HERC2: variants seen among roughly 807,000 people sequenced by gnomAD.
HERC2 encodes the protein E3 ubiquitin-protein ligase HERC2.
A neutral mutation model predicts 537.7 loss-of-function variants in HERC2; 102 were observed. The ratio of observed to expected loss-of-function variants is 0.19; its 90% confidence interval spans 0.16 to 0.22. HERC2 has a LOEUF of 0.22. HERC2 is among the 10% of genes least tolerant of loss of function. The pLI, the probability that HERC2 is intolerant of heterozygous loss-of-function variation, is 1.00. For missense variants in HERC2, 4,236 were observed against 6,198.2 expected (o/e 0.68, Z 10.63); for synonymous variants, 2,224 against 2,466.2 (o/e 0.90, Z 2.91).
At chr15:28,153,870 C>A (rs1388177514) in intron 69 of HERC2, among the ~76,000 whole-genome samples, 2 of 152,026 alleles carry the variant, frequency 1.3e-5, no homozygotes, top group Non-Finnish European at 2.9e-5. Context: ...GGCAACGGAG[C>A]CCGGTGGGAG....
At chr15:28,159,373 C>A (rs1450456948) in intron 69 of HERC2, among the ~76,000 whole-genome samples, 1 of 152,188 alleles carries the variant, frequency 6.6e-6, no homozygotes, top group Non-Finnish European at 1.5e-5. Context: ...TTCAGGTGCA[C>A]CAATCAGTCA....
chr15:28,163,511 T>C (rs1004509473), intron 68 of HERC2, among the ~76,000 whole-genome samples: 2 of 152,144 alleles, frequency 1.3e-5, no homozygotes, highest in Admixed American at 6.5e-5. Context: ...ACCAATGGCA[T>C]TTATCAAAAA....
rs147494330 is a variant in HERC2 at position 28,286,738 on chromosome 15, A to T, written c.322+6150T>A. On this transcript the variant is annotated intron_variant, in intron 4 of 92. Coordinates refer to ENST00000261609, the MANE Select transcript of HERC2 (RefSeq NM_004667.6). ...TTAAGAATGATTTAGATAGTTACTA[A>T]GAGTTTACTCCCCTAAAAGATTACA... is the stretch of plus-strand genomic sequence containing the variant. Among the ~76,000 whole-genome samples, 543 of 152,358 alleles carry T rather than the reference A, an allele frequency of 3.6e-3. 6 individuals carry two copies. The highest frequency in any genetic ancestry group is 0.012 in the African/African-American group (517 of 41,582).
chr15:28,132,107 G>A lies in HERC2; in HGVS notation c.12563C>T (p.Pro4188Leu). ...GRGGSDGCKV[P>L]MKIDSLTGLG... The stretch of plus-strand genomic sequence containing the variant: ...GGAAAGAATGGGAAATACCTTCATA[G>A]GCACTTTACAGCCATCGCTGCCTCC... The change falls in exon 81 of 93, where the codon CCT (proline) becomes CTT (leucine). Residue 4188 changes from proline (P) to leucine (L), a missense_variant. By Grantham distance (98) the Pro-to-Leu change is moderately conservative. Transcript: ENST00000261609. 1 of 1,605,468 alleles carries A rather than the reference G, an allele frequency of 6.2e-7. No homozygotes were observed. Among genetic ancestry groups the A allele is most frequent in the Non-Finnish European group, 8.5e-7 (1 of 1,174,118 alleles).
chr15:28,173,060 G>A (rs747762972), intron 65 of HERC2, among the ~76,000 whole-genome samples: 17 of 152,170 alleles, frequency 1.1e-4, no homozygotes, highest in Non-Finnish European at 1.6e-4. Flanking sequence ...ACCACCATAC[G>A]TCTATCAGTA....
At chr15:28,231,488 A>G (rs1567046475) in intron 30 of HERC2, among the ~76,000 whole-genome samples, 1 of 152,190 alleles carries the variant, frequency 6.6e-6, no homozygotes, top group Non-Finnish European at 1.5e-5. Flanking sequence ...CTGCCTGCGT[A>G]TGTGACTGGC....
intron 69 of HERC2, among the ~76,000 whole-genome samples, chr15:28,154,550 C>A (rs1323720543): frequency 6.6e-6 from 1 of 152,184 alleles, no homozygotes; most frequent in Non-Finnish European, 1.5e-5. Flanking sequence ...GAAGGTTGCT[C>A]TGCCAAGCAC....
chr15:28,318,759 GAT>G (rs2077157165), intron 2 of HERC2, among the ~76,000 whole-genome samples: 1 of 151,976 alleles, frequency 6.6e-6, no homozygotes. Context: ...TAATGTCTAT[GAT>G]AAAGAAGTCA....
intron 2 of HERC2, among the ~76,000 whole-genome samples, chr15:28,310,254 T>G (rs1296511547): frequency 1.3e-5 from 2 of 152,108 alleles, no homozygotes; most frequent in African/African-American, 4.8e-5. Flanking sequence ...AAGACCAGCC[T>G]GAACAACATG....
chr15:28,264,191 G>A (rs868600291), intron 14 of HERC2, among the ~76,000 whole-genome samples: 5 of 152,170 alleles, frequency 3.3e-5, no homozygotes, highest in Non-Finnish European at 7.3e-5. Context: ...TCAACGATCA[G>A]ATGGTAAATA....
At position 28,274,986 on chromosome 15, in the gene HERC2, C is replaced by T. The variant is rs768369257; in HGVS notation, c.562G>A (p.Gly188Ser). The T allele has an allele frequency of 6.8e-6, 11 of 1,607,642 alleles. No individual in the cohort carries two copies. Among genetic ancestry groups the T allele is most frequent in the Non-Finnish European group, 9.3e-6 (11 of 1,179,778 alleles). The change falls in exon 6 of 93, where the codon GGT becomes AGT. Residue 188 changes from glycine (G) to serine (S), a missense_variant. Coordinates refer to ENST00000261609, the MANE Select transcript of HERC2 (RefSeq NM_004667.6). ...CCCACTCTGGCGAGCCCCTCCACACCTTTGCCCGCAGGCCGGGAACTGCAG... is the reference window on the plus strand; with the variant it reads ...CCCACTCTGGCGAGCCCCTCCACACTTTTGCCCGCAGGCCGGGAACTGCAG... Reference protein sequence around the residue: ...DKKSSRPAGKGVEGLARVGSR... With the variant: ...DKKSSRPAGKSVEGLARVGSR...
Position 28,202,401 on chromosome 15 carries a change from C to T in HERC2, c.7426G>A (p.Glu2476Lys), listed in dbSNP as rs781281900. The stretch of plus-strand genomic sequence containing the variant: ...CCAGTGAGAGACTTCAGGGCAAACT[C>T]GATGTTCCTTCTGGAAAATCCCATC... ...MEMGFSRRNI[E>K]FALKSLTGAS... is the part of the protein sequence containing the mutation. The change falls in exon 46 of 93, where the codon GAG becomes AAG. Residue 2476 changes from glutamate (E) to lysine (K), a missense_variant. Transcript: ENST00000261609. 8 of 1,612,890 alleles carry T rather than the reference C, an allele frequency of 5.0e-6. No homozygotes were observed. In the South Asian group the frequency reaches 5.5e-5, roughly 11 times the overall value.
rs1478041895 is a variant in HERC2 at position 28,233,444 on chromosome 15, G to A, written c.4469C>T (p.Ser1490Leu). ...ATTAAAATCTATCACCTTAATGAGCGAACATTTTGCTTGGTAGACAACTCT... is the reference window on the plus strand; with the variant it reads ...ATTAAAATCTATCACCTTAATGAGCAAACATTTTGCTTGGTAGACAACTCT... The part of the protein sequence containing the change: ...VCRVVYQAKC[S>L]LIKTHQEQGR... The change falls in exon 29 of 93, where the codon TCG becomes TTG. Residue 1490 changes from serine (S) to leucine (L), a missense_variant. Transcript: ENST00000261609. 2.2e-6 allele frequency: 3 copies of A among 1,375,428 alleles called. No individual in the cohort carries two copies. The highest frequency in any genetic ancestry group is 1.0e-6 in the Non-Finnish European group (1 of 963,980). 85.2% of individuals were successfully genotyped at this position (1,375,428 alleles called of 1,614,324 possible). A position where few individuals can be genotyped will look rare whatever the true frequency, so the allele number is the denominator to read the frequency against.
At chr15:28,214,825 G>C in intron 39 of HERC2, 23 bp from the exon 40 acceptor site, 1 of 1,586,824 alleles carries the variant, frequency 6.3e-7, no homozygotes, top group Non-Finnish European at 8.6e-7. Flanking sequence ...AATTTATAAC[G>C]ACAAGCATTA....
In HERC2 at chr15:28,265,648, C is replaced by G. The variant is rs773179188; in HGVS notation, c.1840G>C (p.Asp614His). The G allele has an allele frequency of 6.2e-7, 1 of 1,614,126 alleles. No homozygotes were observed. The highest frequency in any genetic ancestry group is 1.1e-5 in the South Asian group (1 of 91,068). Residue 614 changes from aspartate to histidine, a missense_variant, in exon 14 of 93, where the codon GAT (aspartate) becomes CAT (histidine). Around this residue, in one of 27 missense-constraint regions of HERC2, gnomAD observed 754 missense variants for 1,085.0 expected, o/e 0.69. Transcript: ENST00000261609. This position sits in a 1 kb window ranked among gnomAD's most constrained non-coding sequence, Gnocchi z 4.0. ...TCAGTGACAGCCAGGGTTTGAGCAT[C>G]CCCACTCCCACACGCCACATCGATG... ...KVIDVACGSG[D>H]AQTLAVTENG...
Position 28,113,240 on chromosome 15 carries a change from A to G in HERC2, c.14063T>C (p.Val4688Ala), listed in dbSNP as rs1450846408. 1 of 1,614,114 alleles carries G rather than the reference A, an allele frequency of 6.2e-7. No individual in the cohort carries two copies. Among genetic ancestry groups the G allele is most frequent in the Non-Finnish European group, 8.5e-7 (1 of 1,180,034 alleles). ...PDIPLHLLKS[V>A]ATYKGIEPSA... ...AGGCTCGATGCCTTTATAGGTGGCCACCGACTTGAGAAGGTGCAGCGGGAT... is the reference window on the plus strand; with the variant it reads ...AGGCTCGATGCCTTTATAGGTGGCCGCCGACTTGAGAAGGTGCAGCGGGAT... The change falls in exon 92 of 93, where the codon GTG becomes GCG. Residue 4688 changes from valine (V) to alanine (A), a missense_variant. By Grantham distance (64) the Val-to-Ala change is moderately conservative. This residue lies in a region of HERC2 where 313 missense variants were observed against 462.6 expected (regional missense o/e 0.68). Transcript: ENST00000261609. This position sits in a 1 kb window ranked among gnomAD's most constrained non-coding sequence, Gnocchi z 7.0.
chr15:28,307,671 A>G (rs867892680), intron 2 of HERC2, among the ~76,000 whole-genome samples: 13 of 152,206 alleles, frequency 8.5e-5, no homozygotes, highest in Non-Finnish European at 1.5e-4. Context: ...CCTCGTTATC[A>G]ATTTTTAGTT....
Position 28,113,380 on chromosome 15 carries a change from G to A in HERC2, c.14020-97C>T, listed in dbSNP as rs980163592. 2.2e-6 allele frequency: 3 copies of A among 1,356,424 alleles called. No homozygotes were observed. In the Admixed American group the frequency reaches 5.7e-5, roughly 26 times the overall value. The allele number at this position is 1,356,424 out of a possible 1,614,324, so 84.0% of individuals were successfully genotyped here. On this transcript the variant is annotated intron_variant, in intron 91 of 92. Transcript: ENST00000261609. The surrounding 1 kb of genome is among the most constrained non-coding windows in gnomAD (Gnocchi z 7.0). ...CCCTCTCTACACCAAGGCCTGTTTG[G>A]GGTGGGGAAAGGTCTGGGGGCTCTG... is the stretch of plus-strand genomic sequence containing the variant.
intron 81 of HERC2, among the ~76,000 whole-genome samples, chr15:28,131,069 C>G (rs1240105665): frequency 6.6e-6 from 1 of 151,488 alleles, no homozygotes; most frequent in Admixed American, 6.6e-5. Context: ...AGCCAACTTT[C>G]CCTATCCCAC....
Sources: allele counts gnomAD v4.1 joint callset (sites outside exome capture counted in the v4.1 genomes callset), GRCh38; gene constraint gnomAD v4.1.1; regional missense constraint gnomAD v4.1.1; non-coding constraint Gnocchi (gnomAD v3.1); transcripts MANE v1.5; gene names NCBI Gene and HGNC (gene_info 2026-07-23, HGNC 2026-07-21).